PALD1: variants seen among roughly 807,000 people sequenced by gnomAD.
PALD1 encodes the protein paladin.
A neutral mutation model predicts 96.0 loss-of-function variants in PALD1; 57 were observed. That is an observed-to-expected ratio of 0.59 (90% CI 0.48 to 0.74). PALD1 has a LOEUF of 0.74. Among genes scored for constraint, PALD1 ranks in the 30% least tolerant of loss-of-function variants. The pLI, the probability that PALD1 is intolerant of heterozygous loss-of-function variation, is 0.00. For synonymous variants in PALD1, 464 were observed against 473.6 expected, an observed-to-expected ratio of 0.98 and a Z score of 0.26; for missense variants, 1,063 against 1,143.7, an observed-to-expected ratio of 0.93 and a Z score of 1.02.
chr10:70,508,940 T>G (rs561648715), intron 1 of PALD1, among the ~76,000 whole-genome samples: 5 of 145,034 alleles, frequency 3.4e-5, no homozygotes, highest in Non-Finnish European at 7.6e-5. Context: ...GACCTGGACG[T>G]TTCATGTGCT....
At position 70,547,243 on chromosome 10, in the gene PALD1, T is replaced by G. The variant is rs2132413407; in HGVS notation, c.2122-63T>G. The G allele has an allele frequency of 2.0e-6, 3 of 1,515,476 alleles. No homozygotes were observed. The South Asian group carries it at 3.4e-5, about 17-fold the overall frequency. The allele number at this position is 1,515,476 out of a possible 1,614,324, so 93.9% of individuals were successfully genotyped here. A position where few individuals can be genotyped will look rare whatever the true frequency, so the allele number is the denominator to read the frequency against. ...TGGCCTTTTGGTGAGGGTGCAAGCCTGGTGCTTGGGCTGAGGGCTCTTACC... is the reference window on the plus strand; with the variant it reads ...TGGCCTTTTGGTGAGGGTGCAAGCCGGGTGCTTGGGCTGAGGGCTCTTACC... On this transcript the variant is annotated intron_variant, in intron 17 of 19. Coordinates refer to ENST00000263563, the MANE Select transcript of PALD1 (RefSeq NM_014431.3).
the PALD1 span, among the ~76,000 whole-genome samples, chr10:70,467,130 A>C: frequency 3.3e-5 from 5 of 152,076 alleles, no homozygotes; most frequent in Admixed American, 2.6e-4. Context: ...CAGAGCCAGG[A>C]GACCAGCTTC....
chr10:70,537,744 G>A (rs1847143645), intron 10 of PALD1, 67 bp from the exon 11 acceptor site: 1 of 1,060,562 alleles, frequency 9.4e-7, no homozygotes, highest in African/African-American at 1.6e-5. Flanking sequence ...TCCTGCCCTT[G>A]CAGGGATGGG....
chr10:70,468,702 CTGTGTGTGTGTG>C, the PALD1 span, among the ~76,000 whole-genome samples: 272 of 123,882 alleles, frequency 2.2e-3, no homozygotes, highest in South Asian at 0.02. Context: ...TGAGGCAGGA[CTGTGTGTGTGTG>C]TGTGTGTGTG....
intron 1 of PALD1, among the ~76,000 whole-genome samples, chr10:70,488,836 C>A (rs1330159575): frequency 6.6e-6 from 1 of 151,040 alleles, no homozygotes; most frequent in Non-Finnish European, 1.5e-5. Context: ...AAAACAGCCT[C>A]TGTCGTGACC....
chr10:70,543,397 CTG>C (rs1218570444), intron 17 of PALD1, among the ~76,000 whole-genome samples: 5 of 152,104 alleles, frequency 3.3e-5, no homozygotes, highest in Non-Finnish European at 7.4e-5. Flanking sequence ...TGTAGTTTGT[CTG>C]TTTTTTCTTT....
At chr10:70,557,376 T>A (rs1847632474) in intron 18 of PALD1, among the ~76,000 whole-genome samples, 1 of 152,218 alleles carries the variant, frequency 6.6e-6, no homozygotes, top group Non-Finnish European at 1.5e-5. Flanking sequence ...GGAACGAGAC[T>A]GTGTCCTCTC....
At chr10:70,556,275 G>A (rs1260085165) in intron 18 of PALD1, among the ~76,000 whole-genome samples, 5 of 66,314 alleles carry the variant, frequency 7.5e-5, no homozygotes, top group South Asian at 6.0e-4. Flanking sequence ...CTCAGTAGCC[G>A]AGACCTCTCT....
intron 1 of PALD1, among the ~76,000 whole-genome samples, chr10:70,490,706 C>T (rs1204562122): frequency 6.6e-6 from 1 of 152,166 alleles, no homozygotes; most frequent in Non-Finnish European, 1.5e-5. Flanking sequence ...GAGCTGTGCC[C>T]TTGGGCCTCT....
chr10:70,564,476 A>G lies in PALD1; in HGVS notation c.2375A>G (p.Lys792Arg). The G allele has an allele frequency of 6.2e-6, 10 of 1,614,112 alleles. No homozygotes were observed. The highest frequency in any genetic ancestry group is 8.5e-6 in the Non-Finnish European group (10 of 1,180,004). Residue 792 changes from lysine to arginine, a missense_variant, in exon 19 of 20, where the codon AAG becomes AGG. By Grantham distance (26) the Lys-to-Arg change is conservative. Coordinates refer to ENST00000263563, the MANE Select transcript of PALD1 (RefSeq NM_014431.3). The part of the protein sequence containing the change: ...ILFNAYLHLE[K>R]ADSWQRPFST... The stretch of plus-strand genomic sequence containing the variant: ...TTCAACGCGTACCTCCACCTGGAGA[A>G]GGCCGACTCCTGGCAGAGGCCCTTC...
chr10:70,504,661 G>A (rs1439870238), intron 1 of PALD1, among the ~76,000 whole-genome samples: 1 of 152,088 alleles, frequency 6.6e-6, no homozygotes, highest in Non-Finnish European at 1.5e-5. Flanking sequence ...AGGAAGCGTG[G>A]CATTGCCTTT....
chr10:70,481,418 G>A (rs1478416368), intron 1 of PALD1, among the ~76,000 whole-genome samples: 1 of 152,174 alleles, frequency 6.6e-6, no homozygotes, highest in East Asian at 1.9e-4. Flanking sequence ...TCACTTTGGG[G>A]TTTGAGGACC....
rs200371984 is a variant in PALD1 at position 70,564,480 on chromosome 10, C to A, written c.2379C>A (p.Ala793=). ...LFNAYLHLEK[A]DSWQRPFSTW... ...ACGCGTACCTCCACCTGGAGAAGGCCGACTCCTGGCAGAGGCCCTTCAGCA... is the reference window on the plus strand; with the variant it reads ...ACGCGTACCTCCACCTGGAGAAGGCAGACTCCTGGCAGAGGCCCTTCAGCA... Residue 793 remains alanine (A), a synonymous_variant, in exon 19 of 20, where the codon GCC becomes GCA. Transcript: ENST00000263563. The A allele has an allele frequency of 1.2e-6, 2 of 1,614,092 alleles. No individual in the cohort carries two copies. The highest frequency in any genetic ancestry group is 1.7e-6 in the Non-Finnish European group (2 of 1,180,018).
chr10:70,506,797 GCCTCT>G (rs935967948), intron 1 of PALD1, among the ~76,000 whole-genome samples: 6 of 152,142 alleles, frequency 3.9e-5, no homozygotes, highest in African/African-American at 1.4e-4. Context: ...GGTGGAATCT[GCCTCT>G]CAGAGAGGAG....
intron 16 of PALD1, 65 bp downstream of exon 16, chr10:70,541,307 G>A: frequency 6.4e-7 from 1 of 1,554,764 alleles, no homozygotes; most frequent in South Asian, 1.2e-5. Flanking sequence ...TCAGGTCCCA[G>A]GCACACTGGC....
chr10:70,507,750 C>CGTGTGTGT (rs10579511), intron 1 of PALD1, among the ~76,000 whole-genome samples: 2,018 of 148,700 alleles, frequency 0.014, 23 homozygotes, highest in African/African-American at 0.023. Flanking sequence ...TTTGTGTGTG[C>CGTGTGTGT]GTGTGTGTGT....
At chr10:70,516,543 C>T (rs1452451635) in intron 1 of PALD1, among the ~76,000 whole-genome samples, 12 of 152,062 alleles carry the variant, frequency 7.9e-5, no homozygotes, top group Non-Finnish European at 1.2e-4. Context: ...TCAACATAAA[C>T]TATGTTTTGG....
In PALD1 at chr10:70,502,734, C is replaced by T. The variant is rs891752289; in HGVS notation, c.-29-23189C>T. Among the ~76,000 whole-genome samples, 11 of 152,232 alleles carry T rather than the reference C, an allele frequency of 7.2e-5. 1 individual carries two copies. The highest frequency in any genetic ancestry group is 5.8e-4 in the East Asian group (3 of 5,178). On this transcript the variant is annotated intron_variant, in intron 1 of 19. Coordinates refer to ENST00000263563, the MANE Select transcript of PALD1 (RefSeq NM_014431.3). ...TTTAAAGATATTTTAGAATTATTAC[C>T]GGTTTACATCCTGCCAGGTGCTCAG...
At chr10:70,555,544 G>T (rs928132578) in intron 18 of PALD1, among the ~76,000 whole-genome samples, 5 of 152,224 alleles carry the variant, frequency 3.3e-5, no homozygotes, top group Non-Finnish European at 7.3e-5. Flanking sequence ...CCGCTACTGT[G>T]TGACTGCCTG....
Sources: gnomAD v4.1 joint callset for allele counts (sites outside exome capture counted in the v4.1 genomes callset) on GRCh38, gnomAD v4.1.1 for gene constraint, MANE v1.5 for transcripts, NCBI Gene and HGNC (gene_info 2026-07-23, HGNC 2026-07-21) for gene names.